The following LMX1B variants were observed in gnomAD, a reference collection of about 807,000 sequenced individuals.
The protein encoded by LMX1B is LIM homeobox transcription factor 1-beta.
In LMX1B, 12 loss-of-function variants were observed where a neutral mutation model predicts 51.4. The ratio of observed to expected loss-of-function variants is 0.23; its 90% CI spans 0.15 to 0.38. LMX1B has a LOEUF of 0.38. Ranked by LOEUF, LMX1B falls within the 10% of genes least tolerant of loss-of-function variation. LMX1B has a pLI of 1.00. For missense variants in LMX1B, 445 were observed against 571.1 expected (o/e 0.78, Z 2.25); for synonymous variants, 237 against 235.4 (o/e 1.01, Z -0.06).
intron 2 of LMX1B, among the ~76,000 whole-genome samples, chr9:126,621,805 G>A (rs1835418690): frequency 6.6e-6 from 1 of 152,038 alleles, no homozygotes; most frequent in African/African-American, 2.4e-5. Flanking sequence ...GGGGGAAGGT[G>A]TAACTGACGG....
chr9:126,694,360 T>C (rs1272288106), intron 6 of LMX1B, among the ~76,000 whole-genome samples: 1 of 152,164 alleles, frequency 6.6e-6, no homozygotes, highest in Non-Finnish European at 1.5e-5. Context: ...AGCTCAAGCC[T>C]GTACCTTTAA....
Position 126,699,764 on chromosome 9 carries a change from TG to T in LMX1B, c.*3314del, listed in dbSNP as rs1408852866. On this transcript the variant is annotated 3_prime_UTR_variant, in exon 8 of 8. Transcript: ENST00000373474. ...CCTGAGGCTCAGAGAAGGGAGGCGATGTGTTCAGGGCCACCCAGCAGAAGCC... is the reference window on the plus strand; with the variant it reads ...CCTGAGGCTCAGAGAAGGGAGGCGATTGTTCAGGGCCACCCAGCAGAAGCC... 6.6e-6 allele frequency: 1 copy of T among 152,172 alleles called. No individual in the cohort carries two copies. Among genetic ancestry groups the T allele is most frequent in the African/African-American group, 2.4e-5 (1 of 41,418 alleles). 9.4% of individuals were successfully genotyped at this position (152,172 alleles called of 1,614,324 possible). A position where few individuals can be genotyped will look rare whatever the true frequency, so the allele number is the denominator to read the frequency against.
chr9:126,683,273 C>T (rs1836711049), intron 2 of LMX1B, among the ~76,000 whole-genome samples: 1 of 151,364 alleles, frequency 6.6e-6, no homozygotes, highest in East Asian at 1.9e-4. Context: ...ACGCGCGTAC[C>T]GGGGCCCCCG....
At position 126,696,562 on chromosome 9, in the gene LMX1B, T is replaced by C; in HGVS notation, c.*111T>C. On this transcript the variant is annotated 3_prime_UTR_variant, in exon 8 of 8. Coordinates refer to ENST00000373474, the MANE Select transcript of LMX1B (RefSeq NM_001174147.2). ...TCTCCGCACAGACTACAGACAGCCA[T>C]ACGGTGCCCTCCCCTCGGCCAGCTG... is the stretch of plus-strand genomic sequence containing the variant. 7.6e-7 allele frequency: 1 copy of C among 1,317,702 alleles called. No individual in the cohort carries two copies. The highest frequency in any genetic ancestry group is 2.3e-5 in the East Asian group (1 of 43,014). The allele number at this position is 1,317,702 out of a possible 1,614,324, so 81.6% of individuals were successfully genotyped here. A position where few individuals can be genotyped will look rare whatever the true frequency, so the allele number is the denominator to read the frequency against.
chr9:126,624,190 G>A (rs1394738374), intron 2 of LMX1B, among the ~76,000 whole-genome samples: 1 of 152,240 alleles, frequency 6.6e-6, no homozygotes, highest in Non-Finnish European at 1.5e-5. Context: ...CCCTGCAGCA[G>A]CTTTCGGGCT....
chr9:126,684,548 C>T (rs937248851), intron 2 of LMX1B, among the ~76,000 whole-genome samples: 1 of 152,120 alleles, frequency 6.6e-6, no homozygotes, highest in African/African-American at 2.4e-5. Context: ...CGAGGCTGTG[C>T]ATCACCCGAG....
chr9:126,614,334 C>A lies in LMX1B; in HGVS notation c.-116C>A. The A allele has an allele frequency of 1.4e-6, 1 of 694,770 alleles. No homozygotes were observed. The highest frequency in any genetic ancestry group is 1.8e-6 in the Non-Finnish European group (1 of 559,432). The allele number at this position is 694,770 out of a possible 1,614,324, so 43.0% of individuals were successfully genotyped here. ...ACGATCGCCGGGGGCCGGCGCAACC[C>A]CTGCCCTGCGGGGGCCGCGCCTCCC... is the stretch of plus-strand genomic sequence containing the variant. On this transcript the variant is annotated 5_prime_UTR_variant, in exon 1 of 8. Transcript: ENST00000373474.
chr9:126,663,203 G>T, intron 2 of LMX1B, among the ~76,000 whole-genome samples: 1 of 102,440 alleles, frequency 9.8e-6, no homozygotes, highest in Non-Finnish European at 2.2e-5. Flanking sequence ...GAGGCGGGCG[G>T]ATCACTTGAG....
chr9:126,679,281 G>A (rs1010183874), intron 2 of LMX1B, among the ~76,000 whole-genome samples: 3 of 152,096 alleles, frequency 2.0e-5, no homozygotes, highest in East Asian at 1.9e-4. Context: ...TTTGTTGGAC[G>A]GATGGAGGCA....
chr9:126,677,086 G>A lies in LMX1B; in HGVS notation c.327-13750G>A, dbSNP rs1247195900. On this transcript the variant is annotated intron_variant, in intron 2 of 7. Transcript: ENST00000373474. This position sits in a 1 kb window ranked among gnomAD's most constrained non-coding sequence, Gnocchi z 5.0. ...GATCAGTTACCCACTAAATGGGCGG[G>A]CTGCGTGCCCTGCCTGTCCCGAAGG... Among the ~76,000 whole-genome samples, 2 of 152,192 alleles carry A rather than the reference G, an allele frequency of 1.3e-5. No individual in the cohort carries two copies. The highest frequency in any genetic ancestry group is 1.9e-4 in the East Asian group (1 of 5,194).
chr9:126,620,069 C>G (rs772482889), intron 2 of LMX1B, among the ~76,000 whole-genome samples: 21 of 152,150 alleles, frequency 1.4e-4, no homozygotes, highest in African/African-American at 5.1e-4. Context: ...TGCTGTTACT[C>G]TTCTCACCAT....
rs1050354450 is a variant in LMX1B at position 126,626,684 on chromosome 9, A to G, written c.326+11115A>G. On this transcript the variant is annotated intron_variant, in intron 2 of 7. Coordinates refer to ENST00000373474, the MANE Select transcript of LMX1B (RefSeq NM_001174147.2). This position sits in a 1 kb window ranked among gnomAD's most constrained non-coding sequence, Gnocchi z 4.3. ...GGCAAGAAAAATAAGCCTTGTTTGG[A>G]AAGGGGTGGGTGGGGGGCGTCGAGC... is the stretch of plus-strand genomic sequence containing the variant. 2.0e-5 allele frequency among the ~76,000 whole-genome samples: 3 copies of G among 152,160 alleles called. No homozygotes were observed. Among genetic ancestry groups the G allele is most frequent in the Non-Finnish European group, 4.4e-5 (3 of 68,030 alleles).
rs757034251 is a variant in LMX1B at position 126,690,830 on chromosome 9, C to CCGCA, written c.327-5_327-2dup. 1.0e-5 allele frequency: 16 copies of CCGCA among 1,603,762 alleles called. No homozygotes were observed. Among genetic ancestry groups the CCGCA allele is most frequent in the Non-Finnish European group, 1.4e-5 (16 of 1,177,154 alleles). On this transcript the variant is annotated splice_polypyrimidine_tract_variant and splice_region_variant and intron_variant, in intron 2 of 7. Transcript: ENST00000373474. The stretch of plus-strand genomic sequence containing the variant: ...CCGCCAACACGCCCGCTTTGTGCAT[C>CCGCA]CGCAGGCTCTTCGCGGCCAAGTGCA...
intron 6 of LMX1B, 72 bp downstream of exon 6, chr9:126,693,884 G>A (rs1376924324): frequency 2.7e-6 from 2 of 740,070 alleles, no homozygotes; most frequent in East Asian, 5.4e-5. Flanking sequence ...CCTAGGCCAG[G>A]GTGAGCTGGG....
At chr9:126,665,899 A>C (rs1265531839) in intron 2 of LMX1B, among the ~76,000 whole-genome samples, 1 of 152,372 alleles carries the variant, frequency 6.6e-6, no homozygotes, top group East Asian at 1.9e-4. Flanking sequence ...CATTGTCTCC[A>C]GGGTGAATGC....
At position 126,671,744 on chromosome 9, in the gene LMX1B, T is replaced by C. The variant is rs1472936374; in HGVS notation, c.327-19092T>C. 1.3e-5 allele frequency among the ~76,000 whole-genome samples: 2 copies of C among 152,112 alleles called. No homozygotes were observed. Among genetic ancestry groups the C allele is most frequent in the African/African-American group, 4.8e-5 (2 of 41,434 alleles). On this transcript the variant is annotated intron_variant, in intron 2 of 7. Transcript: ENST00000373474. The surrounding 1 kb of genome is among the most constrained non-coding windows in gnomAD (Gnocchi z 4.4). ...GGTCACCAGGCACACAAAGGCAGTG[T>C]AATATCCTGTGGGCTTACTCGGGGA... is the stretch of plus-strand genomic sequence containing the variant.
At chr9:126,635,894 A>G (rs1322469106) in intron 2 of LMX1B, among the ~76,000 whole-genome samples, 1 of 152,196 alleles carries the variant, frequency 6.6e-6, no homozygotes, top group South Asian at 2.1e-4. Context: ...AGGCTGAGCC[A>G]GAACCTGCCC....
chr9:126,625,930 G>A lies in LMX1B; in HGVS notation c.326+10361G>A, dbSNP rs966057771. 6.6e-5 allele frequency among the ~76,000 whole-genome samples: 10 copies of A among 152,214 alleles called. No individual in the cohort carries two copies. The highest frequency in any genetic ancestry group is 1.9e-4 in the African/African-American group (8 of 41,464). ...GGCGCAGTGGGGAGCCGCGGGCGTC[G>A]GAGAAGCGGCCGCGCTGTTCCGGGT... On this transcript the variant is annotated intron_variant, in intron 2 of 7. Transcript: ENST00000373474. The surrounding 1 kb of genome is among the most constrained non-coding windows in gnomAD (Gnocchi z 5.3).
rs1436316013 is a variant in LMX1B, at chr9:126,615,058, C to CT, written c.140-324dup. Reference sequence around the variant, plus strand: ...AGCGAGCGCCCCAGCCTCACCTCGCCTGTCTTGGTCCCAGCCGGCCACCCT... The same window carrying CT: ...AGCGAGCGCCCCAGCCTCACCTCGCCTTGTCTTGGTCCCAGCCGGCCACCCT... On this transcript the variant is annotated intron_variant, in intron 1 of 7. Transcript: ENST00000373474. This position sits in a 1 kb window ranked among gnomAD's most constrained non-coding sequence, Gnocchi z 6.0. Among the ~76,000 whole-genome samples the CT allele has an allele frequency of 6.6e-6, 1 of 152,166 alleles. No individual in the cohort carries two copies. The highest frequency in any genetic ancestry group is 1.5e-5 in the Non-Finnish European group (1 of 68,008).
Sources: allele counts gnomAD v4.1 joint callset (sites outside exome capture counted in the v4.1 genomes callset), GRCh38; gene constraint gnomAD v4.1.1; non-coding constraint Gnocchi (gnomAD v3.1); transcripts MANE v1.5; gene names NCBI Gene and HGNC (gene_info 2026-07-23, HGNC 2026-07-21).